The following ARHGEF12 variants were observed in gnomAD, a reference collection of about 807,000 sequenced individuals.
ARHGEF12 encodes Rho guanine nucleotide exchange factor 12, also known as KMT2A/ARHGEF12 fusion protein.
A neutral mutation model predicts 211.2 loss-of-function variants in ARHGEF12; 66 were observed. The ratio of observed to expected loss-of-function variants is 0.31; its 90% CI spans 0.26 to 0.38. The LOEUF (loss-of-function observed/expected upper bound fraction) is 0.38, where lower values mean the gene tolerates loss of function less well. ARHGEF12 is among the 10% of genes least tolerant of loss of function. The pLI is 1.00. For synonymous variants in ARHGEF12, 592 were observed against 638.4 expected, an observed-to-expected ratio of 0.93 and a Z score of 1.09; for missense variants, 1,429 against 1,869.5, an observed-to-expected ratio of 0.76 and a Z score of 4.34.
intron 26 of ARHGEF12, 54 bp downstream of exon 26, chr11:120,459,374 T>C (rs766732575): frequency 1.9e-6 from 3 of 1,565,640 alleles, no homozygotes; most frequent in Non-Finnish European, 2.6e-6. Flanking sequence ...AGAGAAAAGA[T>C]TGTGAGTTTA....
At chr11:120,397,818 T>C (rs1053054426) in intron 1 of ARHGEF12, among the ~76,000 whole-genome samples, 1 of 152,220 alleles carries the variant, frequency 6.6e-6, no homozygotes, top group Non-Finnish European at 1.5e-5. Flanking sequence ...TATGTTGATA[T>C]TTTATGAAGT....
intron 1 of ARHGEF12, among the ~76,000 whole-genome samples, chr11:120,399,781 T>A (rs1171313084): frequency 6.6e-6 from 1 of 152,116 alleles, no homozygotes; most frequent in Non-Finnish European, 1.5e-5. Context: ...ATGCCTTAGG[T>A]TTTTTCAATA....
intron 1 of ARHGEF12, among the ~76,000 whole-genome samples, chr11:120,352,217 C>G (rs1943001256): frequency 6.6e-6 from 1 of 152,162 alleles, no homozygotes; most frequent in Non-Finnish European, 1.5e-5. Context: ...TGAACCTAAA[C>G]ATTGTGTTTA....
intron 38 of ARHGEF12, 88 bp from the exon 39 acceptor site, chr11:120,481,172 T>C: frequency 8.0e-7 from 1 of 1,247,630 alleles, no homozygotes; most frequent in Non-Finnish European, 1.1e-6. Context: ...TTAATAACTT[T>C]TCAAGTTGAA....
intron 1 of ARHGEF12, among the ~76,000 whole-genome samples, chr11:120,388,733 A>G (rs977659402): frequency 1.3e-5 from 2 of 152,166 alleles, no homozygotes; most frequent in African/African-American, 4.8e-5. Context: ...ACATATTTTC[A>G]TGTGCCTGTT....
intron 26 of ARHGEF12, 36 bp from the exon 27 acceptor site, chr11:120,460,636 T>A: frequency 6.4e-7 from 1 of 1,567,970 alleles, no homozygotes; most frequent in South Asian, 1.1e-5. Context: ...CTACACTGAA[T>A]GTGTTACTAA....
chr11:120,481,784 G>A (rs1351105906), intron 39 of ARHGEF12, among the ~76,000 whole-genome samples: 4 of 148,780 alleles, frequency 2.7e-5, no homozygotes, highest in Non-Finnish European at 5.9e-5. Flanking sequence ...TTTTGAGACG[G>A]AGTCTCGCTC....
At chr11:120,430,257 T>A (rs1945485321) in intron 10 of ARHGEF12, among the ~76,000 whole-genome samples, 1 of 152,168 alleles carries the variant, frequency 6.6e-6, no homozygotes, top group Non-Finnish European at 1.5e-5. Flanking sequence ...TTATTTAATC[T>A]GCATAACATC....
At chr11:120,405,397 GA>G (rs1210427028) in intron 1 of ARHGEF12, among the ~76,000 whole-genome samples, 5 of 152,006 alleles carry the variant, frequency 3.3e-5, no homozygotes, top group Non-Finnish European at 7.4e-5. Flanking sequence ...TCATTTAAAA[GA>G]GAGAGAACCA....
At chr11:120,417,204 C>T (rs1945057152) in intron 4 of ARHGEF12, among the ~76,000 whole-genome samples, 1 of 152,088 alleles carries the variant, frequency 6.6e-6, no homozygotes, top group Non-Finnish European at 1.5e-5. Flanking sequence ...GTCCTGTTCT[C>T]TGCAGGCATC....
chr11:120,465,980 G>A (rs114128190), intron 28 of ARHGEF12, among the ~76,000 whole-genome samples: 413 of 152,288 alleles, frequency 2.7e-3, no homozygotes, highest in African/African-American at 9.4e-3. Flanking sequence ...AGGGAAAAAC[G>A]TAACAGCAGC....
rs979861323 is a variant in ARHGEF12 at position 120,488,277 on chromosome 11, T to C, written c.*3200T>C. 2 of 215,512 alleles carry C rather than the reference T, an allele frequency of 9.3e-6. No homozygotes were observed. The highest frequency in any genetic ancestry group is 1.9e-5 in the Non-Finnish European group (2 of 106,868). 13.3% of individuals were successfully genotyped at this position (215,512 alleles called of 1,614,324 possible). ...GAAGCTTTCTTCTCTGAAGTCGATATATGGTTTTGAATTACTAGAGCTTTG... is the reference window on the plus strand; with the variant it reads ...GAAGCTTTCTTCTCTGAAGTCGATACATGGTTTTGAATTACTAGAGCTTTG... On this transcript the variant is annotated 3_prime_UTR_variant, in exon 41 of 41. Coordinates refer to ENST00000397843, the MANE Select transcript of ARHGEF12 (RefSeq NM_015313.3).
chr11:120,369,822 T>C (rs1943539183), intron 1 of ARHGEF12, among the ~76,000 whole-genome samples: 1 of 152,194 alleles, frequency 6.6e-6, no homozygotes, highest in South Asian at 2.1e-4. Flanking sequence ...TATACATCCA[T>C]GTACCTGCTA....
intron 1 of ARHGEF12, among the ~76,000 whole-genome samples, chr11:120,365,112 G>A (rs1219523732): frequency 6.6e-6 from 1 of 152,012 alleles, no homozygotes; most frequent in East Asian, 1.9e-4. Flanking sequence ...GTGTTTCTGG[G>A]TTGTGAGATT....
In ARHGEF12 at chr11:120,480,409, G is replaced by A. The variant is rs1307381716; in HGVS notation, c.4216G>A (p.Asp1406Asn). Residue 1406 changes from aspartate to asparagine, a missense_variant, in exon 38 of 41, where the codon GAT becomes AAT. Asp to Asn is a conservative substitution (Grantham distance 23). Transcript: ENST00000397843. ...TGGAGCAGTTAACAAGGAAGAGAAG[G>A]ATGTTAATTTACGCATCTCAGGCAA... ...GDGAVNKEEK[D>N]VNLRISGNYL... The A allele has an allele frequency of 1.2e-6, 2 of 1,609,092 alleles. No individual in the cohort carries two copies. The highest frequency in any genetic ancestry group is 1.3e-5 in the African/African-American group (1 of 74,878).
At chr11:120,469,139 ACT>A (rs1256484337) in intron 29 of ARHGEF12, 147 bp from the exon 30 acceptor site, 32 of 587,162 alleles carry the variant, frequency 5.4e-5, no homozygotes, top group Non-Finnish European at 8.2e-5. Context: ...TTGAATTGAG[ACT>A]CTGACAGAGG....
intron 1 of ARHGEF12, among the ~76,000 whole-genome samples, chr11:120,371,216 C>T (rs1943580216): frequency 6.6e-6 from 1 of 152,160 alleles, no homozygotes. Context: ...GGGCTGGGTG[C>T]GGTGGCTCAT....
chr11:120,403,206 A>G (rs976379676), intron 1 of ARHGEF12, among the ~76,000 whole-genome samples: 1 of 152,182 alleles, frequency 6.6e-6, no homozygotes, highest in Non-Finnish European at 1.5e-5. Flanking sequence ...CTTAATATAC[A>G]AAATCAAAAG....
intron 32 of ARHGEF12, 38 bp downstream of exon 32, chr11:120,474,673 G>T: frequency 6.5e-7 from 1 of 1,529,528 alleles, no homozygotes. Context: ...GGGGAGAGTG[G>T]CAAAAGGGAA....
Sources: gnomAD v4.1 joint callset for allele counts (sites outside exome capture counted in the v4.1 genomes callset) on GRCh38, gnomAD v4.1.1 for gene constraint, MANE v1.5 for transcripts, NCBI Gene and HGNC (gene_info 2026-07-23, HGNC 2026-07-21) for gene names.